Variants in SPMIP1 observed in about 807,000 individuals in gnomAD.
The protein encoded by SPMIP1 is sperm microtubule inner protein 1.
the SPMIP1 span, chr7:128,866,376 TG>T: frequency 6.7e-7 from 1 of 1,488,556 alleles, no homozygotes; most frequent in Non-Finnish European, 8.9e-7. Flanking sequence ...CCCTCAGCTG[TG>T]GCCACCCTGG....
the SPMIP1 span, among the ~76,000 whole-genome samples, chr7:128,867,822 G>A: frequency 1.3e-5 from 2 of 152,084 alleles, no homozygotes; most frequent in South Asian, 4.1e-4. Context: ...TGCCTGTCTC[G>A]GCCTCCCAAA....
chr7:128,868,401 C>G, the SPMIP1 span, among the ~76,000 whole-genome samples: 1 of 152,244 alleles, frequency 6.6e-6, no homozygotes, highest in Non-Finnish European at 1.5e-5. Flanking sequence ...GTCCCTGTGA[C>G]AAGCAGGCTA....
At chr7:128,868,613 C>T in the SPMIP1 span, 5 of 1,199,072 alleles carry the variant, frequency 4.2e-6, no homozygotes, top group Admixed American at 6.2e-5. Context: ...CTCCCATGCT[C>T]TGCGTGTCCC....
the SPMIP1 span, chr7:128,871,856 T>G: frequency 6.6e-6 from 1 of 152,244 alleles, no homozygotes; most frequent in African/African-American, 2.4e-5. Context: ...TCTCATCTGT[T>G]GTCTTACTAG....
the SPMIP1 span, chr7:128,868,842 G>C: frequency 9.2e-7 from 1 of 1,087,906 alleles, no homozygotes; most frequent in Non-Finnish European, 1.3e-6. Flanking sequence ...GGGCAAAGCT[G>C]CTGTGTGTGT....
At chr7:128,868,138 C>T in the SPMIP1 span, among the ~76,000 whole-genome samples, 2 of 152,226 alleles carry the variant, frequency 1.3e-5, no homozygotes, top group Non-Finnish European at 2.9e-5. Context: ...TGTTGCTGCA[C>T]GTCCCATTGC....
the SPMIP1 span, chr7:128,869,705 G>C: frequency 6.6e-6 from 1 of 152,240 alleles, no homozygotes; most frequent in Non-Finnish European, 1.5e-5. Flanking sequence ...CTGCAGAGCC[G>C]TCACCTGCTG....
the SPMIP1 span, chr7:128,868,861 C>T: frequency 1.7e-5 from 14 of 835,330 alleles, no homozygotes; most frequent in East Asian, 3.8e-4. Flanking sequence ...GTCTGTGCCC[C>T]TCTGCTCTCC....
the SPMIP1 span, chr7:128,866,977 CGGT>C: frequency 1.2e-6 from 1 of 837,280 alleles, no homozygotes. Context: ...TAGGGAGTGG[CGGT>C]GGGCAGGGAG....
At chr7:128,868,683 G>A in the SPMIP1 span, 7 of 1,535,396 alleles carry the variant, frequency 4.6e-6, no homozygotes, top group East Asian at 2.4e-5. Context: ...AGTGAAGCAA[G>A]AACTGGTCTC....
the SPMIP1 span, chr7:128,866,869 C>T: frequency 1.3e-6 from 2 of 1,503,144 alleles, no homozygotes; most frequent in Admixed American, 2.0e-5. Flanking sequence ...AAAAACAGAG[C>T]ACTAGCCATG....
chr7:128,868,822 C>T, the SPMIP1 span: 4 of 1,349,938 alleles, frequency 3.0e-6, no homozygotes, highest in Non-Finnish European at 2.0e-6. Context: ...AAATAACAGG[C>T]CTCCTGGTGG....
chr7:128,866,763 A>T, the SPMIP1 span: 1 of 1,535,966 alleles, frequency 6.5e-7, no homozygotes, highest in South Asian at 1.2e-5. Flanking sequence ...ACACTCGAAA[A>T]CTGGACATGC....
chr7:128,871,428 T>C, the SPMIP1 span: 1 of 152,204 alleles, frequency 6.6e-6, no homozygotes, highest in Non-Finnish European at 1.5e-5. Flanking sequence ...AGAAAAACCT[T>C]CCTTAGCCTT....
At chr7:128,868,639 T>A in the SPMIP1 span, 1 of 1,472,336 alleles carries the variant, frequency 6.8e-7, no homozygotes, top group African/African-American at 1.4e-5. Context: ...CAGGAACCCA[T>A]GCTTGGCCTC....
At chr7:128,866,890 T>A in the SPMIP1 span, 2 of 1,449,176 alleles carry the variant, frequency 1.4e-6, no homozygotes. Context: ...TGCTAGGGAG[T>A]GGGCATCCTG....
At chr7:128,867,808 A>G in the SPMIP1 span, among the ~76,000 whole-genome samples, 1 of 152,040 alleles carries the variant, frequency 6.6e-6, no homozygotes, top group South Asian at 2.1e-4. Context: ...CTGACCTCGT[A>G]ATCTGCCTGT....
chr7:128,866,768 A>G, the SPMIP1 span: 2 of 1,536,092 alleles, frequency 1.3e-6, no homozygotes, highest in Admixed American at 2.0e-5. Context: ...CGAAAACTGG[A>G]CATGCCAGAG....
the SPMIP1 span, chr7:128,866,483 T>C: frequency 6.5e-7 from 1 of 1,536,060 alleles, no homozygotes; most frequent in Non-Finnish European, 8.7e-7. Flanking sequence ...GAAAAGATGT[T>C]GCGCTGTGAA....
Sources: gnomAD v4.1 joint callset for allele counts (sites outside exome capture counted in the v4.1 genomes callset) on GRCh38, gnomAD v4.1.1 for gene constraint, MANE v1.5 for transcripts, NCBI Gene and HGNC (gene_info 2026-07-23, HGNC 2026-07-21) for gene names.